Variants in TAFA1 observed in about 807,000 individuals in gnomAD.
TAFA1 encodes the protein chemokine-like protein TAFA-1.
Under a neutral mutation model 18.5 loss-of-function variants are expected in TAFA1, and 4 were observed. That is an observed-to-expected ratio of 0.22 (90% CI 0.11 to 0.49). The LOEUF (loss-of-function observed/expected upper bound fraction) is 0.49, where lower values mean the gene tolerates loss of function less well. Among genes scored for constraint, TAFA1 ranks in the 20% least tolerant of loss-of-function variants. The pLI, the probability that TAFA1 is intolerant of heterozygous loss-of-function variation, is 0.98. For synonymous variants in TAFA1, 56 were observed against 55.2 expected, an observed-to-expected ratio of 1.01 and a Z score of -0.06; for missense variants, 147 against 169.0, an observed-to-expected ratio of 0.87 and a Z score of 0.72.
chr3:68,188,699 G>A (rs1372523943), intron 2 of TAFA1, among the ~76,000 whole-genome samples: 1 of 151,760 alleles, frequency 6.6e-6, no homozygotes, highest in East Asian at 1.9e-4. Context: ...TAGAGAGAGA[G>A]GAAAATTGTT....
intron 2 of TAFA1, among the ~76,000 whole-genome samples, chr3:68,195,363 G>A (rs149636454): frequency 7.8e-4 from 113 of 145,516 alleles, no homozygotes; most frequent in Non-Finnish European, 1.5e-4. Context: ...GGGATTATTG[G>A]CATCCTAGAT....
chr3:68,397,409 G>C (rs2070403542), intron 2 of TAFA1, among the ~76,000 whole-genome samples: 1 of 152,152 alleles, frequency 6.6e-6, no homozygotes. Context: ...AGAACATGTG[G>C]TGTTTGGTTT....
chr3:68,305,968 T>C (rs997574193), intron 2 of TAFA1, among the ~76,000 whole-genome samples: 1 of 152,146 alleles, frequency 6.6e-6, no homozygotes, highest in Non-Finnish European at 1.5e-5. Context: ...TGGTGAGGCA[T>C]AGATTTAAAA....
intron 2 of TAFA1, among the ~76,000 whole-genome samples, chr3:68,304,847 T>C (rs2068375028): frequency 1.3e-5 from 2 of 152,144 alleles, no homozygotes; most frequent in Admixed American, 1.3e-4. Flanking sequence ...GTTGTTTAGT[T>C]GGGTGTTTTC....
intron 2 of TAFA1, among the ~76,000 whole-genome samples, chr3:68,122,826 G>T (rs1250215877): frequency 6.6e-6 from 1 of 151,746 alleles, no homozygotes; most frequent in Non-Finnish European, 1.5e-5. Flanking sequence ...GTGTGTATGT[G>T]TGTGTGTATG....
chr3:68,121,320 C>G (rs1417688596), intron 2 of TAFA1, among the ~76,000 whole-genome samples: 5 of 150,692 alleles, frequency 3.3e-5, no homozygotes, highest in Non-Finnish European at 7.4e-5. Context: ...AACCAGAGCT[C>G]CTATGAGTTA....
At chr3:67,999,287 C>CTCTGTGTGTGTGTGTGTG (rs1297823499), upstream of TAFA1, among the ~76,000 whole-genome samples, 2 of 147,644 alleles carry the variant, frequency 1.4e-5, no homozygotes, top group Admixed American at 6.7e-5. Context: ...CCCCCTCTCT[C>CTCTGTGTGTGTGTGTGTG]TGTGTGTGTG....
chr3:68,238,485 G>A (rs748543306), intron 2 of TAFA1, among the ~76,000 whole-genome samples: 89 of 152,134 alleles, frequency 5.9e-4, no homozygotes, highest in African/African-American at 1.8e-3. Context: ...GTGCAAAAAC[G>A]AAACTTTAAT....
At chr3:68,298,170 G>C (rs566548709) in intron 2 of TAFA1, among the ~76,000 whole-genome samples, 5 of 152,280 alleles carry the variant, frequency 3.3e-5, no homozygotes, top group African/African-American at 1.2e-4. Context: ...GATGAACACA[G>C]GGCAAGCTAA....
intron 3 of TAFA1, among the ~76,000 whole-genome samples, chr3:68,474,386 C>T (rs540716940): frequency 6.6e-6 from 1 of 152,228 alleles, no homozygotes; most frequent in Admixed American, 6.5e-5. Context: ...GCCTGGAGGC[C>T]GATTTCCACA....
chr3:68,256,506 A>G (rs922065312), intron 2 of TAFA1, among the ~76,000 whole-genome samples: 1 of 152,150 alleles, frequency 6.6e-6, no homozygotes, highest in Non-Finnish European at 1.5e-5. Context: ...CATTTTTAAC[A>G]GTGCTTGATC....
intron 2 of TAFA1, among the ~76,000 whole-genome samples, chr3:68,294,548 A>G (rs72626937): frequency 0.026 from 4,026 of 152,330 alleles, 92 homozygotes; most frequent in East Asian, 0.097. Context: ...AAAATGTTTT[A>G]TACTATTTCC....
intron 2 of TAFA1, among the ~76,000 whole-genome samples, chr3:68,320,352 T>G (rs1374944296): frequency 6.6e-6 from 1 of 152,182 alleles, no homozygotes; most frequent in African/African-American, 2.4e-5. Context: ...ATTGCCCTGC[T>G]CTGCTCTGGG....
At chr3:68,541,051 G>C (rs534016449) in intron 4 of TAFA1, among the ~76,000 whole-genome samples, 1 of 152,122 alleles carries the variant, frequency 6.6e-6, no homozygotes, top group Non-Finnish European at 1.5e-5. Flanking sequence ...CATTGCAGTC[G>C]GTTTGAAAGC....
intron 2 of TAFA1, among the ~76,000 whole-genome samples, chr3:68,210,924 T>C (rs1332482526): frequency 6.6e-6 from 1 of 152,038 alleles, no homozygotes; most frequent in Non-Finnish European, 1.5e-5. Context: ...TACAGGCATC[T>C]GTAAGCTTTA....
At chr3:68,225,317 G>A (rs1463212109) in intron 2 of TAFA1, among the ~76,000 whole-genome samples, 1 of 152,124 alleles carries the variant, frequency 6.6e-6, no homozygotes, top group East Asian at 1.9e-4. Flanking sequence ...TCAACAACCT[G>A]CAATGTCTAA....
chr3:68,180,030 A>ATTATTATTATTG (rs1389024669), intron 2 of TAFA1, among the ~76,000 whole-genome samples: 7 of 147,122 alleles, frequency 4.8e-5, no homozygotes, highest in Non-Finnish European at 1.0e-4. Context: ...TATTATTATT[A>ATTATTATTATTG]TTATTATTAT....
At chr3:68,196,394 A>G (rs1001173591) in intron 2 of TAFA1, among the ~76,000 whole-genome samples, 42 of 151,804 alleles carry the variant, frequency 2.8e-4, no homozygotes, top group Middle Eastern at 3.4e-3. Context: ...CAATCAATCT[A>G]TCTATCTATA....
intron 3 of TAFA1, among the ~76,000 whole-genome samples, chr3:68,533,081 G>C (rs1035169242): frequency 7.9e-6 from 1 of 125,882 alleles, no homozygotes; most frequent in Non-Finnish European, 1.6e-5. Flanking sequence ...GTGGTAAGGA[G>C]AACAAAAAAA....
Sources: gnomAD v4.1 joint callset for allele counts (sites outside exome capture counted in the v4.1 genomes callset) on GRCh38, gnomAD v4.1.1 for gene constraint, MANE v1.5 for transcripts, NCBI Gene and HGNC (gene_info 2026-07-23, HGNC 2026-07-21) for gene names.